The following KANK4 variants were observed in gnomAD, a reference collection of about 807,000 sequenced individuals.
KANK4 encodes the protein KN motif and ankyrin repeat domain-containing protein 4.
A neutral mutation model predicts 80.8 loss-of-function variants in KANK4; 50 were observed. The observed-to-expected ratio is 0.62, with a 90% CI of 0.49 to 0.78. KANK4 has a LOEUF of 0.78. Ranked by LOEUF, KANK4 falls within the 30% of genes least tolerant of loss-of-function variation. KANK4 has a pLI of 0.00. For missense variants in KANK4, 1,196 were observed against 1,240.1 expected (o/e 0.96, Z 0.53); for synonymous variants, 465 against 506.9 (o/e 0.92, Z 1.11).
In KANK4 at chr1:62,268,819, C is replaced by T. The variant is rs557558766; in HGVS notation, c.2013-314G>A. Among the ~76,000 whole-genome samples, 47 of 152,314 alleles carry T rather than the reference C, an allele frequency of 3.1e-4. 1 individual carries two copies. Among genetic ancestry groups the T allele is most frequent in the Middle Eastern group, 3.4e-3 (1 of 294 alleles). On this transcript the variant is annotated intron_variant, in intron 4 of 9. Transcript: ENST00000371153. ...CTGTCCCCTCACTGGCTGATGCGTTCGGTGATCTAGACAGGCCATCCAGCG... is the reference window on the plus strand; with the variant it reads ...CTGTCCCCTCACTGGCTGATGCGTTTGGTGATCTAGACAGGCCATCCAGCG...
intron 1 of KANK4, among the ~76,000 whole-genome samples, chr1:62,316,320 AT>A (rs1209670881): frequency 6.6e-5 from 10 of 152,064 alleles, no homozygotes; most frequent in Non-Finnish European, 1.3e-4. Context: ...TGCCCATAAT[AT>A]TTTTCTCCCT....
intron 9 of KANK4, among the ~76,000 whole-genome samples, chr1:62,241,245 G>A (rs1557463791): frequency 6.6e-6 from 1 of 152,082 alleles, no homozygotes; most frequent in Admixed American, 6.6e-5. Flanking sequence ...TATAAAGCAC[G>A]GCAAAGCACT....
chr1:62,313,932 C>T (rs111382161), intron 1 of KANK4, among the ~76,000 whole-genome samples: 27,512 of 152,072 alleles, frequency 0.18, 2,708 homozygotes, highest in Non-Finnish European at 0.22. Flanking sequence ...AACGTCGTAC[C>T]TAATAACTGT....
chr1:62,243,341 ATTT>A (rs112696391), intron 9 of KANK4, among the ~76,000 whole-genome samples: 3 of 146,748 alleles, frequency 2.0e-5, no homozygotes, highest in Non-Finnish European at 4.5e-5. Context: ...GGACCAGATA[ATTT>A]TTTTTTTTTT....
intron 7 of KANK4, among the ~76,000 whole-genome samples, chr1:62,256,612 A>AC (rs1671758025): frequency 6.6e-6 from 1 of 152,014 alleles, no homozygotes; most frequent in African/African-American, 2.4e-5. Flanking sequence ...CGAACTCCCG[A>AC]CCTCAGGTGA....
intron 2 of KANK4, among the ~76,000 whole-genome samples, chr1:62,276,620 A>T (rs563176407): frequency 6.6e-6 from 1 of 152,242 alleles, no homozygotes; most frequent in East Asian, 1.9e-4. Flanking sequence ...TACTAAAAAT[A>T]CAAAAAGTTA....
At chr1:62,265,834 C>T (rs1344089993) in intron 6 of KANK4, among the ~76,000 whole-genome samples, 2 of 152,180 alleles carry the variant, frequency 1.3e-5, no homozygotes, top group African/African-American at 2.4e-5. Flanking sequence ...GGAGCCAATG[C>T]GTATTTTCTT....
intron 8 of KANK4, among the ~76,000 whole-genome samples, chr1:62,252,169 T>C (rs1343004160): frequency 1.3e-5 from 2 of 151,998 alleles, no homozygotes; most frequent in Admixed American, 1.3e-4. Flanking sequence ...TTTTGCAAAA[T>C]AATAAGGGGT....
At chr1:62,249,699 C>T (rs960669464) in intron 8 of KANK4, among the ~76,000 whole-genome samples, 6 of 151,902 alleles carry the variant, frequency 3.9e-5, no homozygotes, top group East Asian at 1.9e-4. Context: ...CCCACCATTA[C>T]GCCAGGCTAA....
chr1:62,273,111 A>G (rs1672203645), intron 3 of KANK4, 93 bp downstream of exon 3: 7 of 921,270 alleles, frequency 7.6e-6, no homozygotes, highest in Non-Finnish European at 1.1e-5. Context: ...TTTTAAAAAC[A>G]TGTTAATATA....
At chr1:62,259,537 A>G (rs1453599281) in intron 7 of KANK4, among the ~76,000 whole-genome samples, 2 of 152,008 alleles carry the variant, frequency 1.3e-5, no homozygotes, top group Non-Finnish European at 2.9e-5. Flanking sequence ...TCAGCCTCCC[A>G]AAGTGCCAGG....
intron 1 of KANK4, among the ~76,000 whole-genome samples, chr1:62,317,333 G>T (rs1644549937): frequency 6.6e-6 from 1 of 152,206 alleles, no homozygotes; most frequent in African/African-American, 2.4e-5. Context: ...ATTAGGGAAT[G>T]AACCGCTCGC....
At chr1:62,314,418 A>G (rs1040587337) in intron 1 of KANK4, among the ~76,000 whole-genome samples, 2 of 152,180 alleles carry the variant, frequency 1.3e-5, no homozygotes, top group African/African-American at 4.8e-5. Context: ...GCAGCGCCTG[A>G]AAACACTCAG....
At chr1:62,278,056 A>G (rs921561495) in intron 2 of KANK4, among the ~76,000 whole-genome samples, 26 of 152,212 alleles carry the variant, frequency 1.7e-4, no homozygotes, top group Non-Finnish European at 3.5e-4. Context: ...TCATGGAGCA[A>G]CTTGTATGCA....
chr1:62,253,870 G>C (rs1671687259), intron 7 of KANK4, among the ~76,000 whole-genome samples: 1 of 152,236 alleles, frequency 6.6e-6, no homozygotes, highest in Non-Finnish European at 1.5e-5. Context: ...CTGAGGGCCA[G>C]AGAAGTTACA....
At chr1:62,297,390 T>C (rs535450936) in intron 1 of KANK4, among the ~76,000 whole-genome samples, 2 of 152,318 alleles carry the variant, frequency 1.3e-5, no homozygotes, top group South Asian at 2.1e-4. Flanking sequence ...ATTATATCCT[T>C]TTCACAGATC....
At chr1:62,268,232 T>C (rs992838170) in intron 5 of KANK4, 55 bp downstream of exon 5, 225 of 1,378,872 alleles carry the variant, frequency 1.6e-4, no homozygotes, top group Non-Finnish European at 2.2e-4. Flanking sequence ...GGTAGATATA[T>C]GCCCTTGACC....
chr1:62,259,864 A>G (rs1007904842), intron 7 of KANK4, among the ~76,000 whole-genome samples: 2 of 151,846 alleles, frequency 1.3e-5, no homozygotes, highest in East Asian at 3.9e-4. Flanking sequence ...ATCTGTGGGG[A>G]TCATTTGGGG....
At chr1:62,278,393 CTTTCTTTTTTTT>C (rs1672371397) in intron 2 of KANK4, among the ~76,000 whole-genome samples, 1 of 18,554 alleles carries the variant, frequency 5.4e-5, no homozygotes, top group African/African-American at 3.2e-4. Context: ...TTCTTTCTTT[CTTTCTTTTTTTT>C]TTTTGAGATG....
Sources: allele counts gnomAD v4.1 joint callset (sites outside exome capture counted in the v4.1 genomes callset), GRCh38; gene constraint gnomAD v4.1.1; transcripts MANE v1.5; gene names NCBI Gene and HGNC (gene_info 2026-07-23, HGNC 2026-07-21).